DOCK1: variants seen among roughly 807,000 people sequenced by gnomAD.
The protein encoded by DOCK1 is dedicator of cytokinesis 1, also known as dedicator of cytokinesis protein 1.
DOCK1 carries 138 observed loss-of-function variants against 262.7 expected under a neutral mutation model. That is an observed-to-expected ratio of 0.53 (90% CI 0.46 to 0.61). The LOEUF (loss-of-function observed/expected upper bound fraction) is 0.61. DOCK1 is among the 20% of genes least tolerant of loss of function. The pLI is 0.00. For missense variants in DOCK1, 1,908 were observed against 2,370.7 expected, an observed-to-expected ratio of 0.80 and a Z score of 4.05; for synonymous variants, 866 against 867.4, an observed-to-expected ratio of 1.00 and a Z score of 0.03.
rs367655125 is a variant in DOCK1 at position 127,200,540 on chromosome 10, T to C, written c.2848-47468T>C. Among the ~76,000 whole-genome samples, 7 of 151,922 alleles carry C rather than the reference T, an allele frequency of 4.6e-5. No homozygotes were observed. The East Asian group carries it at 1.2e-3, about 25-fold the overall frequency. On this transcript the variant is annotated intron_variant, in intron 27 of 51. Transcript: ENST00000623213. ...TTCAAGCAATTCTCGTGCCTCAGCCTCCTGAGTAACCTGTAACCACGCCTG... is the reference window on the plus strand; with the variant it reads ...TTCAAGCAATTCTCGTGCCTCAGCCCCCTGAGTAACCTGTAACCACGCCTG...
At chr10:127,099,445 A>G (rs895003398) in intron 23 of DOCK1, among the ~76,000 whole-genome samples, 1 of 152,158 alleles carries the variant, frequency 6.6e-6, no homozygotes, top group Non-Finnish European at 1.5e-5. Flanking sequence ...GGTAACTTAT[A>G]GAGAAAAGAG....
rs1218361044 is a variant in DOCK1, at chr10:127,004,774, C to G, written c.986-3958C>G. Among the ~76,000 whole-genome samples, 764 of 128,854 alleles carry G rather than the reference C, an allele frequency of 5.9e-3. 59 individuals are homozygous for G. The highest frequency in any genetic ancestry group is 0.021 in the African/African-American group (733 of 35,152). 84.5% of individuals were successfully genotyped at this position (128,854 alleles called of 152,430 possible). A position where few individuals can be genotyped will look rare whatever the true frequency, so the allele number is the denominator to read the frequency against. On this transcript the variant is annotated intron_variant, in intron 10 of 51. Transcript: ENST00000623213. ...CCCCAACGGCCCCCTGCCCCGCCAC[C>G]CCCCCGCCCCAAAAAAAAGAAAAAA...
chr10:127,093,242 C>CTTTTTTTTTTTTTTTTTTTTTTTTTT (rs200302331), intron 23 of DOCK1, among the ~76,000 whole-genome samples: 3 of 79,342 alleles, frequency 3.8e-5, no homozygotes, highest in Admixed American at 1.5e-4. Flanking sequence ...TTTCTTTCTT[C>CTTTTTTTTTTTTTTTTTTTTTTTTTT]TTTTTTTTTT....
At position 127,042,658 on chromosome 10, in the gene DOCK1, A is replaced by G; in HGVS notation, c.2044A>G (p.Ile682Val). ...LQDTLDALFN[I>V]MMENSESETF... ...GGACACGTTGGATGCCCTCTTCAAC[A>G]TCATGATGGAGAACTCAGAGAGTGA... The change falls in exon 20 of 52, where the codon ATC becomes GTC. Residue 682 changes from isoleucine to valine, a missense_variant. Transcript: ENST00000623213. The G allele has an allele frequency of 1.9e-6, 3 of 1,614,194 alleles. No individual in the cohort carries two copies. The highest frequency in any genetic ancestry group is 1.7e-6 in the Non-Finnish European group (2 of 1,180,040).
chr10:127,055,778 C>T (rs1315737638), intron 22 of DOCK1, among the ~76,000 whole-genome samples: 1 of 152,082 alleles, frequency 6.6e-6, no homozygotes, highest in Non-Finnish European at 1.5e-5. Flanking sequence ...CTCTTTAGGC[C>T]CTAAGTGATC....
intron 6 of DOCK1, among the ~76,000 whole-genome samples, chr10:126,994,739 C>T (rs1189404672): frequency 1.3e-5 from 2 of 152,350 alleles, no homozygotes; most frequent in East Asian, 3.9e-4. Context: ...GACACAGTAA[C>T]AATCTGATCT....
chr10:127,196,873 C>T (rs1288536502), intron 27 of DOCK1, among the ~76,000 whole-genome samples: 1 of 152,062 alleles, frequency 6.6e-6, no homozygotes, highest in Non-Finnish European at 1.5e-5. Flanking sequence ...CTGGAGCCGC[C>T]TCCGGAGCAG....
chr10:127,127,634 C>G (rs761263279), intron 26 of DOCK1, 35 bp from the exon 27 acceptor site: 25 of 1,534,906 alleles, frequency 1.6e-5, no homozygotes, highest in Non-Finnish European at 2.2e-5. Flanking sequence ...TAATGTTTCT[C>G]TGGTGTTGGT....
In DOCK1 at chr10:126,995,633, A is replaced by AGAGAGGGAGAGGGAGACCGTG. The variant is rs1482529418; in HGVS notation, c.474-1077_474-1057dup. ...TCGGCATCAGAGGCAGACCGTGGAGAGAGAGGGAGAGGGAGACCGTGGAGA... is the reference window on the plus strand; with the variant it reads ...TCGGCATCAGAGGCAGACCGTGGAGAGAGAGGGAGAGGGAGACCGTGGAGAGGGAGAGGGAGACCGTGGAGA... On this transcript the variant is annotated intron_variant, in intron 6 of 51. Transcript: ENST00000623213. This position sits in a 1 kb window ranked among gnomAD's most constrained non-coding sequence, Gnocchi z 5.8. 1.3e-5 allele frequency among the ~76,000 whole-genome samples: 2 copies of AGAGAGGGAGAGGGAGACCGTG among 151,968 alleles called. No homozygotes were observed. The highest frequency in any genetic ancestry group is 2.9e-5 in the Non-Finnish European group (2 of 67,944).
chr10:127,399,297 A>G (rs574827408), intron 38 of DOCK1, among the ~76,000 whole-genome samples: 1 of 152,194 alleles, frequency 6.6e-6, no homozygotes, highest in Non-Finnish European at 1.5e-5. Flanking sequence ...CGCAGAGGTT[A>G]AAGTGATTCT....
At chr10:127,358,240 C>G (rs530628155) in intron 32 of DOCK1, among the ~76,000 whole-genome samples, 41 of 152,160 alleles carry the variant, frequency 2.7e-4, no homozygotes, top group Non-Finnish European at 7.3e-5. Flanking sequence ...TTGCCTCCTC[C>G]TTGCCCAGCC....
At chr10:127,395,054 T>C (rs1477947468) in intron 38 of DOCK1, among the ~76,000 whole-genome samples, 4 of 152,184 alleles carry the variant, frequency 2.6e-5, no homozygotes, top group African/African-American at 7.2e-5. Context: ...AACAGGAATT[T>C]CAGAGTGTGA....
chr10:127,146,459 C>T (rs201403839), intron 27 of DOCK1, among the ~76,000 whole-genome samples: 2 of 152,046 alleles, frequency 1.3e-5, no homozygotes, highest in East Asian at 3.9e-4. Flanking sequence ...AAAGAAAAAA[C>T]TTGGATTATT....
chr10:127,400,666 A>C (rs1038029914), intron 38 of DOCK1, among the ~76,000 whole-genome samples: 4 of 152,220 alleles, frequency 2.6e-5, no homozygotes, highest in African/African-American at 9.6e-5. Flanking sequence ...TAAACCGGAG[A>C]GCACAGGTGG....
At chr10:127,143,485 G>A (rs1450025979) in intron 27 of DOCK1, among the ~76,000 whole-genome samples, 1 of 152,224 alleles carries the variant, frequency 6.6e-6, no homozygotes, top group Non-Finnish European at 1.5e-5. Context: ...TGATGGCTGA[G>A]ATGTGCTCCC....
chr10:127,045,910 A>G (rs2044317594), intron 21 of DOCK1, among the ~76,000 whole-genome samples: 1 of 152,180 alleles, frequency 6.6e-6, no homozygotes, highest in South Asian at 2.1e-4. Context: ...TTGTGCAGGT[A>G]TAAGATGGCC....
At chr10:127,357,471 G>C (rs1326861898) in intron 32 of DOCK1, among the ~76,000 whole-genome samples, 2 of 152,170 alleles carry the variant, frequency 1.3e-5, no homozygotes. Context: ...CAGAGCACTT[G>C]GTTCTCTTGA....
intron 27 of DOCK1, among the ~76,000 whole-genome samples, chr10:127,170,400 GA>G (rs1294484547): frequency 1.3e-5 from 2 of 152,156 alleles, no homozygotes; most frequent in Non-Finnish European, 2.9e-5. Context: ...GCCCATAGAA[GA>G]ATCTGCTTCA....
chr10:126,996,496 C>A (rs1343289391), intron 6 of DOCK1, among the ~76,000 whole-genome samples: 2 of 147,102 alleles, frequency 1.4e-5, no homozygotes, highest in African/African-American at 2.5e-5. Context: ...CCTTGCAAGA[C>A]AAAGCCACTG....
Sources: allele counts gnomAD v4.1 joint callset (sites outside exome capture counted in the v4.1 genomes callset), GRCh38; gene constraint gnomAD v4.1.1; non-coding constraint Gnocchi (gnomAD v3.1); transcripts MANE v1.5; gene names NCBI Gene and HGNC (gene_info 2026-07-23, HGNC 2026-07-21).